The following DYNC2H1 variants were observed in gnomAD, a reference collection of about 807,000 sequenced individuals.
DYNC2H1 encodes dynein cytoplasmic 2 heavy chain 1, also known as cytoplasmic dynein 2 heavy chain 1.
In DYNC2H1, 410 loss-of-function variants were observed where a neutral mutation model predicts 570.0. The observed-to-expected ratio is 0.72, with a 90% confidence interval of 0.66 to 0.78. DYNC2H1 has a LOEUF of 0.78. Ranked by LOEUF, DYNC2H1 falls within the 30% of genes least tolerant of loss-of-function variation. The pLI, the probability that DYNC2H1 is intolerant of heterozygous loss-of-function variation, is 0.00. For missense variants in DYNC2H1, 4,865 were observed against 5,046.4 expected (o/e 0.96, Z 1.09); for synonymous variants, 1,688 against 1,677.6 (o/e 1.01, Z -0.15).
chr11:103,406,873 A>T (rs1942883744), intron 84 of DYNC2H1: 1 of 151,920 alleles, frequency 6.6e-6, no homozygotes, highest in Non-Finnish European at 1.5e-5. Flanking sequence ...TATGCCAGAC[A>T]TTAGAGAGCT....
chr11:103,256,947 C>G lies in DYNC2H1; in HGVS notation c.10462-661C>G, dbSNP rs1032617490. Among the ~76,000 whole-genome samples the G allele has an allele frequency of 2.0e-5, 3 of 152,158 alleles. No individual in the cohort carries two copies. Among genetic ancestry groups the G allele is most frequent in the African/African-American group, 7.2e-5 (3 of 41,428 alleles). On this transcript the variant is annotated intron_variant, in intron 68 of 88. Transcript: ENST00000375735. This position sits in a 1 kb window ranked among gnomAD's most constrained non-coding sequence, Gnocchi z 4.0. ...TAGTGCTGTTGGTCCTCATTAAGAC[C>G]AATCTGTGAACCACTTCTAGCTCTG...
chr11:103,334,329 G>A lies in DYNC2H1; in HGVS notation c.12039+10339G>A, dbSNP rs1217520056. Among the ~76,000 whole-genome samples the A allele has an allele frequency of 1.3e-5, 2 of 152,102 alleles. No homozygotes were observed. Among genetic ancestry groups the A allele is most frequent in the East Asian group, 1.9e-4 (1 of 5,194 alleles). Reference sequence around the variant, plus strand: ...AGCAAGGATGGTGGGGTAAATTTAGGTATTTCTGGCACGGATAGGGTAGAA... The same window carrying A: ...AGCAAGGATGGTGGGGTAAATTTAGATATTTCTGGCACGGATAGGGTAGAA... On this transcript the variant is annotated intron_variant, in intron 82 of 88. Coordinates refer to ENST00000375735, the MANE Select transcript of DYNC2H1 (RefSeq NM_001377.3). This position sits in a 1 kb window ranked among gnomAD's most constrained non-coding sequence, Gnocchi z 4.3.
In DYNC2H1 at chr11:103,198,021, T is replaced by C. The variant is rs139319426; in HGVS notation, c.7797T>C (p.Leu2599=). 1 of 1,554,302 alleles carries C rather than the reference T, an allele frequency of 6.4e-7. No homozygotes were observed. Among genetic ancestry groups the C allele is most frequent in the Non-Finnish European group, 8.7e-7 (1 of 1,148,156 alleles). Residue 2599 remains leucine (L), a synonymous_variant, in exon 48 of 89, where the codon CTT becomes CTC. Coordinates refer to ENST00000375735, the MANE Select transcript of DYNC2H1 (RefSeq NM_001377.3). ...GQPLPPHGKP[L]GKLNSTDLKD... ...CATTACCTCCACATGGAAAACCACT[T>C]GGAAAACTAAACTCTACTGATCTCA...
At chr11:103,269,784 T>G (rs1351309103) in intron 70 of DYNC2H1, among the ~76,000 whole-genome samples, 1 of 152,186 alleles carries the variant, frequency 6.6e-6, no homozygotes, top group Non-Finnish European at 1.5e-5. Context: ...ATAAAACAAT[T>G]TTTATATCTA....
At chr11:103,131,439 C>G (rs1170176477) in intron 13 of DYNC2H1, among the ~76,000 whole-genome samples, 1 of 152,140 alleles carries the variant, frequency 6.6e-6, no homozygotes, top group South Asian at 2.1e-4. Flanking sequence ...AGGTGCCCAC[C>G]ACCATGCCCA....
chr11:103,459,930 G>A lies in DYNC2H1; in HGVS notation c.12648+3574G>A, dbSNP rs1017239091. ...TTGCGCCACTGCAGTCCGCAGTCCG[G>A]CCTGGGCGACAGAGCGAGACTCCGT... On this transcript the variant is annotated intron_variant, in intron 87 of 88. Transcript: ENST00000375735. Among the ~76,000 whole-genome samples the A allele has an allele frequency of 2.2e-5, 3 of 137,310 alleles. No homozygotes were observed. In the Admixed American group the frequency reaches 2.5e-4, roughly 11 times the overall value. 90.1% of individuals were successfully genotyped at this position (137,310 alleles called of 152,430 possible).
intron 80 of DYNC2H1, 21 bp from the exon 81 acceptor site, chr11:103,321,008 A>C: frequency 6.5e-7 from 1 of 1,548,462 alleles, no homozygotes; most frequent in Non-Finnish European, 8.8e-7. Flanking sequence ...GAAATTAATG[A>C]GTGTTTTTTT....
chr11:103,359,077 G>A (rs1191338263), intron 83 of DYNC2H1, among the ~76,000 whole-genome samples: 2 of 152,184 alleles, frequency 1.3e-5, no homozygotes, highest in East Asian at 1.9e-4. Context: ...GAGTTTGGGG[G>A]AAGATTAGAG....
chr11:103,389,766 T>C (rs1354634804), intron 83 of DYNC2H1, among the ~76,000 whole-genome samples: 1 of 152,074 alleles, frequency 6.6e-6, no homozygotes, highest in Non-Finnish European at 1.5e-5. Flanking sequence ...CCAGTAGTCA[T>C]TCAGGAGCAG....
intron 82 of DYNC2H1, among the ~76,000 whole-genome samples, chr11:103,338,446 G>A (rs1185824561): frequency 6.6e-6 from 1 of 152,102 alleles, no homozygotes; most frequent in African/African-American, 2.4e-5. Context: ...TGCACTGAAT[G>A]TGGGTGATGT....
rs763110760 is a variant in DYNC2H1, at chr11:103,121,414, G to A, written c.1403G>A (p.Gly468Asp). ...GAGAATCGGTGCCGAGGAATTCCTG[G>A]TGATGCATCTGGACCACTTTCTGGC... ...DFENRCRGIP[G>D]DASGPLSGKN... Residue 468 changes from glycine to aspartate, a missense_variant, in exon 10 of 89, where the codon GGT (glycine) becomes GAT (aspartate). Transcript: ENST00000375735. 1.2e-6 allele frequency: 2 copies of A among 1,612,794 alleles called. No individual in the cohort carries two copies. Among genetic ancestry groups the A allele is most frequent in the African/African-American group, 1.3e-5 (1 of 74,894 alleles).
At chr11:103,356,007 G>T (rs1940317109) in intron 82 of DYNC2H1, among the ~76,000 whole-genome samples, 1 of 152,132 alleles carries the variant, frequency 6.6e-6, no homozygotes. Context: ...ACTGTGCCTG[G>T]CTCCTTTGCA....
Position 103,222,111 on chromosome 11 carries a change from T to G in DYNC2H1, c.9189T>G (p.Val3063=), listed in dbSNP as rs1252894233. The G allele has an allele frequency of 1.9e-6, 3 of 1,596,234 alleles. No homozygotes were observed. Among genetic ancestry groups the G allele is most frequent in the Non-Finnish European group, 2.6e-6 (3 of 1,169,912 alleles). The change falls in exon 58 of 89, where the codon GTT becomes GTG. Residue 3063 remains valine (V), a synonymous_variant. Transcript: ENST00000375735. The part of the protein sequence containing the change: ...RNISKEIRES[V]EELLFKNKGS... ...TTTCAAAGGAAATAAGAGAGAGTGT[T>G]GAAGAACTTCTTTTTAAAAATAAAG... is the stretch of plus-strand genomic sequence containing the variant.
chr11:103,158,851 A>G lies in DYNC2H1; in HGVS notation c.4260+42A>G, dbSNP rs777525953. ...AAAAATATATAATAAATTGTAAAGT[A>G]CTTGATATCTTAATTATCTGAAAAA... is the stretch of plus-strand genomic sequence containing the variant. On this transcript the variant is annotated intron_variant, in intron 27 of 88. Coordinates refer to ENST00000375735, the MANE Select transcript of DYNC2H1 (RefSeq NM_001377.3). 4 of 1,484,684 alleles carry G rather than the reference A, an allele frequency of 2.7e-6. No individual in the cohort carries two copies. The African/African-American group carries it at 4.3e-5, about 16-fold the overall frequency. The allele number at this position is 1,484,684 out of a possible 1,614,324, so 92.0% of individuals were successfully genotyped here.
chr11:103,249,051 G>A lies in DYNC2H1; in HGVS notation c.10042+3677G>A, dbSNP rs889746607. Among the ~76,000 whole-genome samples, 32 of 151,802 alleles carry A rather than the reference G, an allele frequency of 2.1e-4. No individual in the cohort carries two copies. Among genetic ancestry groups the A allele is most frequent in the African/African-American group, 7.7e-4 (32 of 41,372 alleles). Reference sequence around the variant, plus strand: ...GTACAACACAGATTCTGTGTTCAGAGGAAAAAAGTAGTCAAAATTAACTGC... The same window carrying A: ...GTACAACACAGATTCTGTGTTCAGAAGAAAAAAGTAGTCAAAATTAACTGC... On this transcript the variant is annotated intron_variant, in intron 65 of 88. Coordinates refer to ENST00000375735, the MANE Select transcript of DYNC2H1 (RefSeq NM_001377.3). The surrounding 1 kb of genome is among the most constrained non-coding windows in gnomAD (Gnocchi z 4.6).
At chr11:103,291,326 T>C (rs896830973) in intron 75 of DYNC2H1, among the ~76,000 whole-genome samples, 3 of 152,172 alleles carry the variant, frequency 2.0e-5, no homozygotes, top group Middle Eastern at 6.8e-3. Flanking sequence ...TAATCCCAGC[T>C]ACTCAGGAGG....
intron 82 of DYNC2H1, among the ~76,000 whole-genome samples, chr11:103,342,953 C>T (rs1340561634): frequency 6.6e-6 from 1 of 152,098 alleles, no homozygotes; most frequent in Non-Finnish European, 1.5e-5. Context: ...GCTTGCTATT[C>T]TGTCCTATTT....
chr11:103,246,417 G>A (rs756953719), intron 65 of DYNC2H1, among the ~76,000 whole-genome samples: 42 of 151,958 alleles, frequency 2.8e-4, no homozygotes, highest in Non-Finnish European at 2.5e-4. Context: ...ATGAGTTCTG[G>A]TTAGTGTTAG....
chr11:103,137,794 T>A (rs1313771413), intron 17 of DYNC2H1, among the ~76,000 whole-genome samples: 1 of 152,096 alleles, frequency 6.6e-6, no homozygotes, highest in African/African-American at 2.4e-5. Context: ...GGGGATGGCA[T>A]TGAATCTATA....
Sources: gnomAD v4.1 joint callset for allele counts (sites outside exome capture counted in the v4.1 genomes callset) on GRCh38, gnomAD v4.1.1 for gene constraint, Gnocchi (gnomAD v3.1) non-coding constraint, MANE v1.5 for transcripts, NCBI Gene and HGNC (gene_info 2026-07-23, HGNC 2026-07-21) for gene names.